The following CTNNA3 variants were observed in gnomAD, a reference collection of about 807,000 sequenced individuals.
The protein encoded by CTNNA3 is catenin alpha 3.
Under a neutral mutation model 95.7 loss-of-function variants are expected in CTNNA3, and 76 were observed. The observed-to-expected ratio is 0.79, with a 90% CI of 0.66 to 0.96. CTNNA3 has a LOEUF of 0.96. Ranked by LOEUF, CTNNA3 falls within the 40% of genes least tolerant of loss-of-function variation. The pLI, the probability that CTNNA3 is intolerant of heterozygous loss-of-function variation, is 0.00. For synonymous variants in CTNNA3, 431 were observed against 374.4 expected (o/e 1.15, Z -1.74); for missense variants, 1,191 against 1,089.8 (o/e 1.09, Z -1.31).
At chr10:66,039,148 G>T (rs529948508) in intron 15 of CTNNA3, among the ~76,000 whole-genome samples, 1 of 152,254 alleles carries the variant, frequency 6.6e-6, no homozygotes, top group South Asian at 2.1e-4. Context: ...ATTCACAATT[G>T]CCACAGAATG....
chr10:67,359,228 T>A, intron 5 of CTNNA3, among the ~76,000 whole-genome samples: 2 of 139,972 alleles, frequency 1.4e-5, no homozygotes, highest in African/African-American at 2.7e-5. Context: ...CCCATTCAAA[T>A]GACATAACTT....
chr10:67,718,207 G>A (rs1841156051), intron 1 of CTNNA3, among the ~76,000 whole-genome samples: 1 of 152,212 alleles, frequency 6.6e-6, no homozygotes. Context: ...AGCTTAAGGA[G>A]ATTTGGAGCT....
intron 1 of CTNNA3, among the ~76,000 whole-genome samples, chr10:67,686,040 G>C (rs1434232584): frequency 6.6e-6 from 1 of 151,654 alleles, no homozygotes; most frequent in Non-Finnish European, 1.5e-5. Flanking sequence ...TATACTCCTT[G>C]GGTTTTTGCA....
At chr10:67,178,033 T>C (rs1862328467) in intron 7 of CTNNA3, among the ~76,000 whole-genome samples, 1 of 152,166 alleles carries the variant, frequency 6.6e-6, no homozygotes, top group Non-Finnish European at 1.5e-5. Flanking sequence ...ATTTTACCTG[T>C]GAATCTGTGT....
chr10:66,902,443 C>G (rs759995438), intron 7 of CTNNA3, among the ~76,000 whole-genome samples: 5 of 151,906 alleles, frequency 3.3e-5, no homozygotes, highest in South Asian at 2.1e-4. Context: ...GATACAAAAT[C>G]GACACCCTAA....
intron 7 of CTNNA3, among the ~76,000 whole-genome samples, chr10:67,004,245 T>G (rs1851846557): frequency 6.6e-6 from 1 of 152,162 alleles, no homozygotes; most frequent in African/African-American, 2.4e-5. Context: ...AGAGAAAGAT[T>G]TTTGCTTTAA....
chr10:66,848,211 C>T (rs1181314377), intron 7 of CTNNA3, among the ~76,000 whole-genome samples: 1 of 152,070 alleles, frequency 6.6e-6, no homozygotes, highest in African/African-American at 2.4e-5. Flanking sequence ...GGGGTAATAA[C>T]AAAATGGAAA....
intron 11 of CTNNA3, among the ~76,000 whole-genome samples, chr10:66,395,097 G>A (rs2092965558): frequency 1.3e-5 from 2 of 151,566 alleles, no homozygotes; most frequent in South Asian, 4.1e-4. Context: ...CTCCACGTGG[G>A]AAAAAAAGGC....
At chr10:66,971,243 T>C (rs1429160798) in intron 7 of CTNNA3, among the ~76,000 whole-genome samples, 2 of 151,946 alleles carry the variant, frequency 1.3e-5, no homozygotes, top group Non-Finnish European at 2.9e-5. Context: ...CTGACCAACA[T>C]AGTGAAACCC....
At chr10:67,145,436 GTTT>G (rs57051265) in intron 7 of CTNNA3, among the ~76,000 whole-genome samples, 2 of 143,474 alleles carry the variant, frequency 1.4e-5, no homozygotes, top group Non-Finnish European at 1.5e-5. Flanking sequence ...AATTTTTTTA[GTTT>G]TTTTTTTTTT....
At chr10:66,324,445 T>C (rs565954098) in intron 12 of CTNNA3, among the ~76,000 whole-genome samples, 1 of 152,278 alleles carries the variant, frequency 6.6e-6, no homozygotes, top group South Asian at 2.1e-4. Context: ...CTTCTGCCCT[T>C]GCAAAAAGGC....
At chr10:67,513,688 T>C (rs1488720721) in intron 5 of CTNNA3, among the ~76,000 whole-genome samples, 1 of 152,178 alleles carries the variant, frequency 6.6e-6, no homozygotes, top group African/African-American at 2.4e-5. Flanking sequence ...TAGCCATATA[T>C]AAGCAAGGCC....
intron 5 of CTNNA3, among the ~76,000 whole-genome samples, chr10:67,435,235 T>G (rs7896530): frequency 0.7 from 105,662 of 151,842 alleles, 41,338 homozygotes; most frequent in Non-Finnish European, 0.87. Flanking sequence ...AGCTCTGAAG[T>G]AAACCCACAT....
At chr10:66,023,653 T>A (rs1327731151) in intron 15 of CTNNA3, among the ~76,000 whole-genome samples, 1 of 152,220 alleles carries the variant, frequency 6.6e-6, no homozygotes, top group Non-Finnish European at 1.5e-5. Context: ...GTTGCTTGAA[T>A]AAAGGGATTT....
intron 11 of CTNNA3, among the ~76,000 whole-genome samples, chr10:66,447,575 A>C (rs1041094595): frequency 6.6e-6 from 1 of 152,150 alleles, no homozygotes; most frequent in Non-Finnish European, 1.5e-5. Flanking sequence ...GCAATGGGGA[A>C]AGCATTCCCT....
intron 10 of CTNNA3, among the ~76,000 whole-genome samples, chr10:66,616,435 T>C (rs139508939): frequency 5.3e-5 from 8 of 152,104 alleles, no homozygotes; most frequent in African/African-American, 1.4e-4. Flanking sequence ...ATTCACATCA[T>C]AGTCCTTTAA....
At chr10:67,724,153 T>C (rs1841195477) in intron 1 of CTNNA3, among the ~76,000 whole-genome samples, 1 of 152,214 alleles carries the variant, frequency 6.6e-6, no homozygotes, top group Admixed American at 6.5e-5. Flanking sequence ...TGCTCCCTGG[T>C]GTTACCACCC....
chr10:67,703,141 A>T (rs534920189), intron 1 of CTNNA3, among the ~76,000 whole-genome samples: 2 of 152,350 alleles, frequency 1.3e-5, no homozygotes, highest in South Asian at 4.1e-4. Flanking sequence ...TCAATAGCTT[A>T]CCCACCAAAA....
chr10:67,165,793 A>G (rs1300789427), intron 7 of CTNNA3, among the ~76,000 whole-genome samples: 1 of 152,206 alleles, frequency 6.6e-6, no homozygotes, highest in African/African-American at 2.4e-5. Flanking sequence ...AGTCAGTTTT[A>G]TTTTTACAAG....
Sources: allele counts gnomAD v4.1 joint callset (sites outside exome capture counted in the v4.1 genomes callset), GRCh38; gene constraint gnomAD v4.1.1; transcripts MANE v1.5; gene names NCBI Gene and HGNC (gene_info 2026-07-23, HGNC 2026-07-21).